The following FBXW11 variants were observed in gnomAD, a reference collection of about 807,000 sequenced individuals.
FBXW11 encodes the protein F-box/WD repeat-containing protein 11.
FBXW11 carries 19 observed loss-of-function variants against 77.6 expected under a neutral mutation model. The observed-to-expected ratio is 0.24, with a 90% CI of 0.17 to 0.36. The LOEUF is 0.36. Ranked by LOEUF, FBXW11 falls within the 10% of genes least tolerant of loss-of-function variation. The pLI, the probability that FBXW11 is intolerant of heterozygous loss-of-function variation, is 1.00. For synonymous variants in FBXW11, 235 were observed against 249.4 expected (o/e 0.94, Z 0.54); for missense variants, 334 against 704.2 (o/e 0.47, Z 5.95).
intron 2 of FBXW11, among the ~76,000 whole-genome samples, chr5:171,932,905 C>G (rs1400348469): frequency 2.1e-5 from 3 of 145,500 alleles, no homozygotes; most frequent in Non-Finnish European, 4.5e-5. Context: ...GACTCTCCAG[C>G]CCAGGACTTG....
intron 2 of FBXW11, among the ~76,000 whole-genome samples, chr5:171,924,779 G>A (rs1387570907): frequency 2.6e-4 from 2 of 7,636 alleles, no homozygotes; most frequent in Non-Finnish European, 5.0e-4. Context: ...CCCCACCCCC[G>A]CTGATTGGTA....
chr5:171,929,714 T>C (rs1762070542), intron 2 of FBXW11, among the ~76,000 whole-genome samples: 1 of 152,018 alleles, frequency 6.6e-6, no homozygotes. Context: ...TAGCCGGGCA[T>C]GGTGGCAGGC....
intron 2 of FBXW11, among the ~76,000 whole-genome samples, chr5:171,914,763 A>G (rs1005556752): frequency 6.6e-6 from 1 of 152,214 alleles, no homozygotes; most frequent in Non-Finnish European, 1.5e-5. Context: ...TGATTGCACA[A>G]AACATTTACT....
At chr5:171,920,416 TAA>T (rs34512244) in intron 2 of FBXW11, among the ~76,000 whole-genome samples, 15 of 130,664 alleles carry the variant, frequency 1.1e-4, no homozygotes, top group East Asian at 2.2e-4. Flanking sequence ...CACCGCTATT[TAA>T]AAAAAAAAAA....
intron 1 of FBXW11, among the ~76,000 whole-genome samples, chr5:171,988,360 T>C (rs572768705): frequency 6.6e-6 from 1 of 151,380 alleles, no homozygotes; most frequent in Non-Finnish European, 1.5e-5. Context: ...AAAAAAACAG[T>C]GATGGGGTCA....
At chr5:171,910,371 A>G (rs1160006074) in intron 4 of FBXW11, among the ~76,000 whole-genome samples, 1 of 152,124 alleles carries the variant, frequency 6.6e-6, no homozygotes, top group Non-Finnish European at 1.5e-5. Flanking sequence ...CTGGCCAGGA[A>G]TGAACATTAT....
chr5:171,899,097 G>A lies in FBXW11; in HGVS notation c.624-3C>T, dbSNP rs1157765233. 1 of 1,581,514 alleles carries A rather than the reference G, an allele frequency of 6.3e-7. No homozygotes were observed. Among genetic ancestry groups the A allele is most frequent in the African/African-American group, 1.4e-5 (1 of 73,436 alleles). ...TGTTTTTAAACAGGTACTGATCCCT[G>A]GCAAATAAAAACAAACAGATGTTAC... On this transcript the variant is annotated splice_polypyrimidine_tract_variant and splice_region_variant and intron_variant, in intron 5 of 13. Transcript: ENST00000517395.
chr5:171,985,798 T>A (rs1482246175), intron 1 of FBXW11, among the ~76,000 whole-genome samples: 1 of 151,980 alleles, frequency 6.6e-6, no homozygotes, highest in Admixed American at 6.6e-5. Context: ...ATTTTAAAAC[T>A]TAGCCAGACA....
intron 4 of FBXW11, among the ~76,000 whole-genome samples, chr5:171,908,288 C>T (rs1180285526): frequency 6.6e-6 from 1 of 152,144 alleles, no homozygotes; most frequent in African/African-American, 2.4e-5. Flanking sequence ...TGGATCCCTC[C>T]CTCATAATTA....
At chr5:171,946,676 C>CA (rs1763024606) in intron 2 of FBXW11, among the ~76,000 whole-genome samples, 1 of 152,138 alleles carries the variant, frequency 6.6e-6, no homozygotes, top group Non-Finnish European at 1.5e-5. Context: ...TCATTTCCTT[C>CA]AAGTCTTTGC....
At chr5:171,873,914 GA>G (rs1446038789) in intron 9 of FBXW11, among the ~76,000 whole-genome samples, 1 of 152,168 alleles carries the variant, frequency 6.6e-6, no homozygotes, top group Middle Eastern at 3.2e-3. Flanking sequence ...ACAAGTAAAA[GA>G]ATGGCACTGG....
chr5:171,878,742 T>G (rs899036513), intron 7 of FBXW11, among the ~76,000 whole-genome samples: 5 of 151,704 alleles, frequency 3.3e-5, no homozygotes, highest in African/African-American at 1.2e-4. Context: ...TGAGCCATAA[T>G]CACACCACTG....
chr5:171,992,725 C>T (rs1765820082), intron 1 of FBXW11, among the ~76,000 whole-genome samples: 1 of 151,954 alleles, frequency 6.6e-6, no homozygotes, highest in African/African-American at 2.4e-5. Flanking sequence ...TAGTCAGCTA[C>T]CACTGCACCT....
At chr5:171,873,013 T>C in intron 9 of FBXW11, 23 bp from the exon 10 acceptor site, 1 of 1,588,264 alleles carries the variant, frequency 6.3e-7, no homozygotes, top group Non-Finnish European at 8.6e-7. Flanking sequence ...TTAACAGTAT[T>C]TTAAAGAATG....
intron 7 of FBXW11, among the ~76,000 whole-genome samples, chr5:171,888,443 G>A (rs1380371050): frequency 6.6e-6 from 1 of 152,180 alleles, no homozygotes; most frequent in Non-Finnish European, 1.5e-5. Context: ...CATGACAGAC[G>A]CAAAGTGGCA....
At chr5:171,900,605 G>A (rs1760049174) in intron 4 of FBXW11, among the ~76,000 whole-genome samples, 1 of 151,940 alleles carries the variant, frequency 6.6e-6, no homozygotes, top group Non-Finnish European at 1.5e-5. Context: ...TGAATCCCTG[G>A]GAGATCAGAA....
intron 6 of FBXW11, among the ~76,000 whole-genome samples, chr5:171,892,314 T>C (rs1471796885): frequency 6.6e-6 from 1 of 152,220 alleles, no homozygotes; most frequent in African/African-American, 2.4e-5. Flanking sequence ...TTTGGTTAAA[T>C]GATCCATACA....
In FBXW11 at chr5:171,899,893, AC is replaced by A. The variant is rs1199662842; in HGVS notation, c.623+20del. The A allele has an allele frequency of 6.4e-7, 1 of 1,563,792 alleles. No individual in the cohort carries two copies. The highest frequency in any genetic ancestry group is 2.3e-5 in the East Asian group (1 of 43,070). The stretch of plus-strand genomic sequence containing the variant: ...ATGTCAATAAAATTTTTTCAAGGGA[AC>A]AAGCAACCCAAGTACTTACCACCCT... On this transcript the variant is annotated intron_variant, in intron 5 of 13. Transcript: ENST00000517395.
intron 7 of FBXW11, among the ~76,000 whole-genome samples, chr5:171,885,753 A>G (rs1383620178): frequency 2.6e-5 from 4 of 152,338 alleles, no homozygotes; most frequent in Admixed American, 6.5e-5. Context: ...GTACAATACT[A>G]TCATAATTTG....
Sources: allele counts gnomAD v4.1 joint callset (sites outside exome capture counted in the v4.1 genomes callset), GRCh38; gene constraint gnomAD v4.1.1; transcripts MANE v1.5; gene names NCBI Gene and HGNC (gene_info 2026-07-23, HGNC 2026-07-21).